NALF1: variants seen among roughly 807,000 people sequenced by gnomAD.
The protein encoded by NALF1 is family with sequence similarity 155 member A.
Under a neutral mutation model 48.4 loss-of-function variants are expected in NALF1, and 3 were observed. That is an observed-to-expected ratio of 0.06 (90% CI 0.03 to 0.16). The LOEUF is 0.16. Among genes scored for constraint, NALF1 ranks in the 10% least tolerant of loss-of-function variants. The pLI is 1.00. For missense variants in NALF1, 526 were observed against 571.5 expected, an observed-to-expected ratio of 0.92 and a Z score of 0.81; for synonymous variants, 262 against 245.7, an observed-to-expected ratio of 1.07 and a Z score of -0.62.
At chr13:107,437,479 C>T (rs985129394) in intron 1 of NALF1, among the ~76,000 whole-genome samples, 1 of 152,146 alleles carries the variant, frequency 6.6e-6, no homozygotes, top group African/African-American at 2.4e-5. Context: ...TTGTCAAAAA[C>T]TAGAAATCAT....
At chr13:107,327,673 C>T (rs1195333790) in intron 1 of NALF1, among the ~76,000 whole-genome samples, 1 of 152,158 alleles carries the variant, frequency 6.6e-6, no homozygotes. Flanking sequence ...GTGCATCTTA[C>T]TGAGTGATCA....
At chr13:107,314,713 T>G (rs1161223979) in intron 1 of NALF1, among the ~76,000 whole-genome samples, 2 of 152,168 alleles carry the variant, frequency 1.3e-5, no homozygotes, top group Non-Finnish European at 2.9e-5. Context: ...TTCATTGTCT[T>G]TCACCCATTT....
At chr13:107,555,575 G>C (rs201512510) in intron 1 of NALF1, among the ~76,000 whole-genome samples, 1 of 150,960 alleles carries the variant, frequency 6.6e-6, no homozygotes, top group Non-Finnish European at 1.5e-5. Context: ...GATTATAGGC[G>C]TGAGCTACCA....
intron 1 of NALF1, among the ~76,000 whole-genome samples, chr13:107,278,001 C>T (rs1361418453): frequency 2.0e-5 from 3 of 152,136 alleles, no homozygotes; most frequent in Non-Finnish European, 2.9e-5. Context: ...AAAAAATACT[C>T]GTCAGAAGCC....
rs117877961 is a variant in NALF1, at chr13:107,183,376, C to A, written c.1088-12590G>T. Among the ~76,000 whole-genome samples the A allele has an allele frequency of 3.0e-3, 463 of 152,298 alleles. 3 individuals are homozygous for A. The highest frequency in any genetic ancestry group is 0.011 in the African/African-American group (438 of 41,562). ...TAGAGAGGATGTGGGGAAATAGGAA[C>A]ACTTTTATACTGTTGGCGGGAATGT... is the stretch of plus-strand genomic sequence containing the variant. On this transcript the variant is annotated intron_variant, in intron 2 of 2. Transcript: ENST00000375915.
At chr13:107,690,158 A>C (rs1881534272) in intron 1 of NALF1, among the ~76,000 whole-genome samples, 1 of 152,216 alleles carries the variant, frequency 6.6e-6, no homozygotes, top group Non-Finnish European at 1.5e-5. Flanking sequence ...ACTGTTTGAG[A>C]GTTAGAATAA....
intron 1 of NALF1, among the ~76,000 whole-genome samples, chr13:107,628,029 C>A (rs780590359): frequency 6.6e-6 from 1 of 152,132 alleles, no homozygotes; most frequent in Non-Finnish European, 1.5e-5. Context: ...ATTATGCACT[C>A]ATAAATCTGA....
chr13:107,555,428 A>G (rs1404615246), intron 1 of NALF1, among the ~76,000 whole-genome samples: 1 of 145,258 alleles, frequency 6.9e-6, no homozygotes, highest in Non-Finnish European at 1.5e-5. Context: ...TCCTGCCACC[A>G]AGCCTGGCTA....
At chr13:107,684,021 C>T (rs1881368489) in intron 1 of NALF1, among the ~76,000 whole-genome samples, 1 of 152,156 alleles carries the variant, frequency 6.6e-6, no homozygotes, top group South Asian at 2.1e-4. Context: ...CCATTTGTTC[C>T]CCATCTCGGC....
rs142198701 is a variant in NALF1 at position 107,254,463 on chromosome 13, T to C, written c.916-43708A>G. ...CACAGTGGGGATAGAGGAAGGAAAG[T>C]AGTTGCAAAGGGATAGTGAATGTTT... On this transcript the variant is annotated intron_variant, in intron 1 of 2. Coordinates refer to ENST00000375915, the MANE Select transcript of NALF1 (RefSeq NM_001080396.3). Among the ~76,000 whole-genome samples the C allele has an allele frequency of 8.6e-3, 1,304 of 152,160 alleles. 20 individuals carry two copies. The highest frequency in any genetic ancestry group is 0.029 in the African/African-American group (1,216 of 41,514).
intron 1 of NALF1, among the ~76,000 whole-genome samples, chr13:107,263,244 T>TG (rs1566467941): frequency 2.1e-5 from 2 of 96,944 alleles, no homozygotes; most frequent in Non-Finnish European, 4.3e-5. Context: ...CACAAAATGC[T>TG]AACAGACACA....
chr13:107,862,072 A>G (rs1480436640), intron 1 of NALF1, among the ~76,000 whole-genome samples: 1 of 152,196 alleles, frequency 6.6e-6, no homozygotes, highest in African/African-American at 2.4e-5. Flanking sequence ...AAAAATTACA[A>G]TTTATACTGA....
intron 1 of NALF1, among the ~76,000 whole-genome samples, chr13:107,569,691 T>C (rs1255766296): frequency 6.6e-6 from 1 of 152,200 alleles, no homozygotes; most frequent in Non-Finnish European, 1.5e-5. Flanking sequence ...CATTTTATTC[T>C]TCCTTTTCAA....
rs1555323650 is a variant in NALF1 at position 107,756,435 on chromosome 13, C to CTATATATATACATATATA, written c.915+109246_915+109247insTATATATGTATATATATA. Among the ~76,000 whole-genome samples the CTATATATATACATATATA allele has an allele frequency of 3.2e-3, 449 of 141,082 alleles. 5 individuals carry two copies. The highest frequency in any genetic ancestry group is 0.012 in the African/African-American group (431 of 37,158). 92.6% of individuals were successfully genotyped at this position (141,082 alleles called of 152,430 possible). A position where few individuals can be genotyped will look rare whatever the true frequency, so the allele number is the denominator to read the frequency against. ...ACTAAATATTAAATAAGTTTAATGG[C>CTATATATATACATATATA]TATATATATATATATATATAAAGCA... On this transcript the variant is annotated intron_variant, in intron 1 of 2. Coordinates refer to ENST00000375915, the MANE Select transcript of NALF1 (RefSeq NM_001080396.3).
chr13:107,820,095 T>C (rs945489931), intron 1 of NALF1, among the ~76,000 whole-genome samples: 1 of 152,336 alleles, frequency 6.6e-6, no homozygotes, highest in Non-Finnish European at 1.5e-5. Flanking sequence ...CCAAGTACCC[T>C]TCTTTCTGCA....
At chr13:107,372,862 A>T (rs1883270764) in intron 1 of NALF1, among the ~76,000 whole-genome samples, 1 of 152,226 alleles carries the variant, frequency 6.6e-6, no homozygotes, top group African/African-American at 2.4e-5. Context: ...CATTTCCCAA[A>T]TACATGTAAC....
chr13:107,782,821 C>T (rs1478938877), intron 1 of NALF1, among the ~76,000 whole-genome samples: 1 of 151,708 alleles, frequency 6.6e-6, no homozygotes, highest in Non-Finnish European at 1.5e-5. Context: ...GCTTGGCAAC[C>T]GCCCCGTCTG....
At chr13:107,224,476 T>C (rs1026333518) in intron 1 of NALF1, among the ~76,000 whole-genome samples, 3 of 149,520 alleles carry the variant, frequency 2.0e-5, no homozygotes, top group African/African-American at 7.3e-5. Context: ...AAATTACATA[T>C]ATTTATATTT....
chr13:107,637,003 TC>T (rs1879995174), intron 1 of NALF1, among the ~76,000 whole-genome samples: 1 of 151,518 alleles, frequency 6.6e-6, no homozygotes, highest in African/African-American at 2.4e-5. Flanking sequence ...AAAATTCCTA[TC>T]ATGTAAATAT....
Sources: allele counts gnomAD v4.1 joint callset (sites outside exome capture counted in the v4.1 genomes callset), GRCh38; gene constraint gnomAD v4.1.1; transcripts MANE v1.5; gene names NCBI Gene and HGNC (gene_info 2026-07-23, HGNC 2026-07-21).